The following ZNF804B variants were observed in gnomAD, a reference collection of about 807,000 sequenced individuals.
ZNF804B encodes zinc finger protein 804B, also known as zinc finger 804B.
Under a neutral mutation model 101.4 loss-of-function variants are expected in ZNF804B, and 80 were observed. The ratio of observed to expected loss-of-function variants is 0.79; its 90% CI spans 0.66 to 0.95. The LOEUF is 0.95. Among genes scored for constraint, ZNF804B ranks in the 40% least tolerant of loss-of-function variants. The pLI is 0.00. For missense variants in ZNF804B, 1,673 were observed against 1,561.9 expected (o/e 1.07, Z -1.20); for synonymous variants, 622 against 558.8 (o/e 1.11, Z -1.59).
At chr7:88,996,253 T>C (rs1788194485) in intron 1 of ZNF804B, among the ~76,000 whole-genome samples, 1 of 152,094 alleles carries the variant, frequency 6.6e-6, no homozygotes, top group Admixed American at 6.6e-5. Flanking sequence ...TGCACTTCCT[T>C]TCTCTATTTT....
chr7:89,297,905 C>A (rs1790408837), intron 2 of ZNF804B, among the ~76,000 whole-genome samples: 1 of 150,628 alleles, frequency 6.6e-6, no homozygotes. Context: ...ATTCCATAAA[C>A]TGTATCAATA....
chr7:89,150,474 G>A (rs1790856813), intron 1 of ZNF804B, among the ~76,000 whole-genome samples: 1 of 152,066 alleles, frequency 6.6e-6, no homozygotes, highest in Non-Finnish European at 1.5e-5. Context: ...CTGGGAATTT[G>A]TCATCCTGGC....
At chr7:89,177,720 A>G (rs560536535) in intron 1 of ZNF804B, among the ~76,000 whole-genome samples, 1 of 152,232 alleles carries the variant, frequency 6.6e-6, no homozygotes, top group East Asian at 1.9e-4. Context: ...TTCTCCAGCT[A>G]TTATTGTGTT....
intron 1 of ZNF804B, among the ~76,000 whole-genome samples, chr7:89,137,583 C>T (rs1163949220): frequency 6.6e-6 from 1 of 152,030 alleles, no homozygotes; most frequent in African/African-American, 2.4e-5. Context: ...AATTTTTAAG[C>T]AGCAAAGCAT....
At chr7:89,275,842 C>T (rs1389336009) in intron 2 of ZNF804B, among the ~76,000 whole-genome samples, 3 of 151,684 alleles carry the variant, frequency 2.0e-5, no homozygotes, top group Non-Finnish European at 4.4e-5. Flanking sequence ...ATCCCCATCG[C>T]CTAGAAATGT....
intron 1 of ZNF804B, among the ~76,000 whole-genome samples, chr7:88,985,225 C>T (rs759127802): frequency 6.8e-6 from 1 of 147,734 alleles, no homozygotes; most frequent in Non-Finnish European, 1.5e-5. Flanking sequence ...ACATGAGAGA[C>T]CAGTAAACAT....
intron 1 of ZNF804B, among the ~76,000 whole-genome samples, chr7:89,000,102 C>T (rs1285132221): frequency 6.6e-6 from 1 of 151,946 alleles, no homozygotes; most frequent in Non-Finnish European, 1.5e-5. Flanking sequence ...CCAGTTGTCT[C>T]ATGAGGAATC....
At chr7:88,909,074 A>G (rs1326243786) in intron 1 of ZNF804B, among the ~76,000 whole-genome samples, 2 of 151,788 alleles carry the variant, frequency 1.3e-5, no homozygotes, top group Non-Finnish European at 3.0e-5. Context: ...TTAAGAAATT[A>G]CTATTCAACC....
chr7:89,333,118 A>G (rs550116771), intron 3 of ZNF804B, among the ~76,000 whole-genome samples: 1 of 152,146 alleles, frequency 6.6e-6, no homozygotes, highest in East Asian at 1.9e-4. Context: ...AAGCAGTAGC[A>G]TAAGATAATT....
chr7:88,776,362 G>A (rs1283095969), intron 1 of ZNF804B, among the ~76,000 whole-genome samples: 3 of 152,104 alleles, frequency 2.0e-5, no homozygotes, highest in African/African-American at 4.8e-5. Flanking sequence ...TACTGTAGTT[G>A]GTTTTTATTG....
chr7:88,762,752 C>T (rs1294220989), intron 1 of ZNF804B, among the ~76,000 whole-genome samples: 1 of 150,282 alleles, frequency 6.7e-6, no homozygotes, highest in Non-Finnish European at 1.5e-5. Flanking sequence ...TTGACCTTTA[C>T]ATCAATGACT....
At chr7:88,772,613 C>A (rs1431939159) in intron 1 of ZNF804B, among the ~76,000 whole-genome samples, 1 of 152,122 alleles carries the variant, frequency 6.6e-6, no homozygotes, top group Non-Finnish European at 1.5e-5. Flanking sequence ...GATTGTATGA[C>A]AAATTTGGGT....
chr7:89,336,973 C>A lies in ZNF804B; in HGVS notation c.3991C>A (p.Gln1331Lys). 6.2e-7 allele frequency: 1 copy of A among 1,614,072 alleles called. No individual in the cohort carries two copies. Among genetic ancestry groups the A allele is most frequent in the South Asian group, 1.1e-5 (1 of 91,084 alleles). ...TTTTTGCCATCATTCTTGCTCTAGC[C>A]AGATGCAACAGCTAAATGAAGTGAA... ...QDFCHHSCSS[Q>K]MQQLNEVKEA... is the part of the protein sequence containing the mutation. Residue 1331 changes from glutamine (Q) to lysine (K), a missense_variant, in exon 4 of 4, where the codon CAG (glutamine) becomes AAG (lysine). Coordinates refer to ENST00000333190, the MANE Select transcript of ZNF804B (RefSeq NM_181646.5).
At chr7:88,805,907 A>G (rs1225391567) in intron 1 of ZNF804B, among the ~76,000 whole-genome samples, 1 of 151,890 alleles carries the variant, frequency 6.6e-6, no homozygotes, top group Non-Finnish European at 1.5e-5. Flanking sequence ...TTCCCAGGCA[A>G]AGCTGTTCTG....
At chr7:89,275,161 G>T (rs1479239466) in intron 2 of ZNF804B, among the ~76,000 whole-genome samples, 1 of 151,932 alleles carries the variant, frequency 6.6e-6, no homozygotes, top group Admixed American at 6.6e-5. Flanking sequence ...TTCCAAGGAA[G>T]TGGAAAGTTC....
chr7:88,842,229 A>G (rs993478801), intron 1 of ZNF804B, among the ~76,000 whole-genome samples: 1 of 152,096 alleles, frequency 6.6e-6, no homozygotes, highest in Non-Finnish European at 1.5e-5. Context: ...TTATTTTGTT[A>G]TGTCCTCATC....
chr7:89,004,070 AAAAG>A (rs1250910412), intron 1 of ZNF804B, among the ~76,000 whole-genome samples: 3 of 151,678 alleles, frequency 2.0e-5, no homozygotes, highest in African/African-American at 7.2e-5. Flanking sequence ...AAAAAAAAAA[AAAAG>A]GGAAATTACA....
chr7:88,771,414 A>G (rs1165182562), intron 1 of ZNF804B, among the ~76,000 whole-genome samples: 4 of 152,122 alleles, frequency 2.6e-5, no homozygotes, highest in Non-Finnish European at 5.9e-5. Context: ...TTTTGATGCC[A>G]CGAATGTGAA....
intron 1 of ZNF804B, among the ~76,000 whole-genome samples, chr7:89,129,765 C>A (rs1366229663): frequency 1.3e-5 from 2 of 151,954 alleles, no homozygotes; most frequent in Non-Finnish European, 2.9e-5. Context: ...GCTAGGAAAG[C>A]TGGGATTTAA....
Sources: gnomAD v4.1 joint callset for allele counts (sites outside exome capture counted in the v4.1 genomes callset) on GRCh38, gnomAD v4.1.1 for gene constraint, MANE v1.5 for transcripts, NCBI Gene and HGNC (gene_info 2026-07-23, HGNC 2026-07-21) for gene names.